ANK3: variants seen among roughly 807,000 people sequenced by gnomAD.
ANK3 encodes ankyrin 3, also known as ankyrin-3.
ANK3 carries 57 observed loss-of-function variants against 370.9 expected under a neutral mutation model. The ratio of observed to expected loss-of-function variants is 0.15; its 90% confidence interval spans 0.12 to 0.19. The LOEUF (loss-of-function observed/expected upper bound fraction) is 0.19, where lower values mean the gene tolerates loss of function less well. Ranked by LOEUF, ANK3 falls within the 10% of genes least tolerant of loss-of-function variation. The probability of loss-of-function intolerance (pLI) is 1.00; values close to 1 mark genes in which losing one functional copy is unlikely to be tolerated. For missense variants in ANK3, 4,439 were observed against 5,302.1 expected, an observed-to-expected ratio of 0.84 and a Z score of 5.06; for synonymous variants, 1,929 against 1,946.3, an observed-to-expected ratio of 0.99 and a Z score of 0.23.
intron 1 of ANK3, among the ~76,000 whole-genome samples, chr10:60,323,036 A>T (rs761665752): frequency 7.2e-5 from 11 of 152,192 alleles, no homozygotes; most frequent in Non-Finnish European, 2.9e-5. Flanking sequence ...CCCCACAAGC[A>T]GACCTTGAGA....
chr10:60,721,583 G>T (rs2079864185), intron 1 of ANK3, among the ~76,000 whole-genome samples: 1 of 152,112 alleles, frequency 6.6e-6, no homozygotes, highest in African/African-American at 2.4e-5. Context: ...ACAAAGATTG[G>T]ATTCAATGGA....
intron 2 of ANK3, among the ~76,000 whole-genome samples, chr10:60,478,935 A>G (rs1408185163): frequency 1.3e-5 from 2 of 152,116 alleles, no homozygotes; most frequent in Admixed American, 1.3e-4. Context: ...TGTTCTTGGC[A>G]TACGAACACG....
At chr10:60,710,097 T>C (rs2079682365) in intron 1 of ANK3, among the ~76,000 whole-genome samples, 1 of 152,130 alleles carries the variant, frequency 6.6e-6, no homozygotes, top group Admixed American at 6.6e-5. Context: ...TCCCACAGTG[T>C]TACTCAAGGT....
At chr10:60,704,151 TTAA>T (rs1022263721) in intron 1 of ANK3, among the ~76,000 whole-genome samples, 56 of 152,320 alleles carry the variant, frequency 3.7e-4, no homozygotes, top group African/African-American at 1.3e-3. Context: ...TCTACAAAAG[TTAA>T]TTCTACATTG....
At chr10:60,659,782 CT>C (rs912657348) in intron 1 of ANK3, among the ~76,000 whole-genome samples, 5 of 151,984 alleles carry the variant, frequency 3.3e-5, no homozygotes, top group Non-Finnish European at 7.4e-5. Flanking sequence ...AACTGGCTGC[CT>C]TCTACACAAA....
At chr10:60,601,827 G>T (rs1335196979) in intron 2 of ANK3, among the ~76,000 whole-genome samples, 2 of 152,120 alleles carry the variant, frequency 1.3e-5, no homozygotes, top group Non-Finnish European at 2.9e-5. Flanking sequence ...ACTCTGTACT[G>T]CTTTTACAAC....
At chr10:60,583,578 G>A (rs565098439) in intron 2 of ANK3, among the ~76,000 whole-genome samples, 12 of 144,022 alleles carry the variant, frequency 8.3e-5, no homozygotes, top group African/African-American at 1.3e-4. Flanking sequence ...GTGCAGTGGC[G>A]CTCCAGTTCT....
chr10:60,677,784 C>CAAAAAAA (rs752482255), intron 1 of ANK3, among the ~76,000 whole-genome samples: 1 of 99,274 alleles, frequency 1.0e-5, no homozygotes, highest in Admixed American at 1.1e-4. Flanking sequence ...CTCAACTACC[C>CAAAAAAA]AAAAAAAAAA....
intron 42 of ANK3, among the ~76,000 whole-genome samples, chr10:60,052,522 A>C (rs1161706963): frequency 6.6e-6 from 1 of 152,240 alleles, no homozygotes; most frequent in African/African-American, 2.4e-5. Flanking sequence ...AGAATATAAA[A>C]TAGAATACCT....
chr10:60,718,190 C>G (rs891493855), intron 1 of ANK3, among the ~76,000 whole-genome samples: 2 of 152,210 alleles, frequency 1.3e-5, no homozygotes, highest in African/African-American at 4.8e-5. Context: ...CAGCTCACTA[C>G]ATGCAAAGAC....
intron 2 of ANK3, among the ~76,000 whole-genome samples, chr10:60,483,010 C>T (rs953090974): frequency 2.0e-5 from 3 of 152,202 alleles, no homozygotes; most frequent in Admixed American, 6.5e-5. Flanking sequence ...ACATCGTTCT[C>T]GTGCTTAATG....
At chr10:60,218,846 A>G (rs2096989983) in intron 8 of ANK3, among the ~76,000 whole-genome samples, 1 of 151,994 alleles carries the variant, frequency 6.6e-6, no homozygotes, top group African/African-American at 2.4e-5. Flanking sequence ...TAGGTCGGGT[A>G]AGTTCTCCTG....
intron 2 of ANK3, among the ~76,000 whole-genome samples, chr10:60,579,454 A>G (rs1354049842): frequency 6.6e-6 from 1 of 152,046 alleles, no homozygotes; most frequent in African/African-American, 2.4e-5. Flanking sequence ...GAGTTTATGG[A>G]ATGAAGATTA....
intron 1 of ANK3, among the ~76,000 whole-genome samples, chr10:60,635,834 A>G (rs1316379757): frequency 6.6e-6 from 1 of 152,194 alleles, no homozygotes; most frequent in Non-Finnish European, 1.5e-5. Context: ...AACAGGTAAA[A>G]GCCTTAAAAT....
At chr10:60,411,597 C>A (rs1211382928) in intron 2 of ANK3, among the ~76,000 whole-genome samples, 3 of 151,992 alleles carry the variant, frequency 2.0e-5, no homozygotes, top group Non-Finnish European at 4.4e-5. Flanking sequence ...CCTCTGTGCC[C>A]CTCTCACCAA....
intron 1 of ANK3, among the ~76,000 whole-genome samples, chr10:60,700,477 GA>G (rs539767492): frequency 8.3e-4 from 126 of 152,220 alleles, no homozygotes; most frequent in African/African-American, 2.8e-3. Context: ...CGTCAATTCT[GA>G]AGTTGATTTG....
chr10:60,157,039 CT>C lies in ANK3; in HGVS notation c.2614+9551del, dbSNP rs201585529. On this transcript the variant is annotated intron_variant, in intron 23 of 43. Coordinates refer to ENST00000280772, the MANE Select transcript of ANK3 (RefSeq NM_020987.5). ...GCTGTCTTGTGGAAGCTCAATGAAT[CT>C]TTTTTTTTTTTTTCGAGATAGAGTT... 6.8e-3 allele frequency among the ~76,000 whole-genome samples: 961 copies of C among 142,308 alleles called. 9 individuals are homozygous for C. The highest frequency in any genetic ancestry group is 0.022 in the African/African-American group (832 of 38,612). The allele number at this position is 142,308 out of a possible 152,430, so 93.4% of individuals were successfully genotyped here.
intron 7 of ANK3, among the ~76,000 whole-genome samples, chr10:60,236,681 C>G (rs745896635): frequency 3.3e-5 from 5 of 152,174 alleles, no homozygotes; most frequent in East Asian, 1.9e-4. Context: ...TGCACATTCT[C>G]TTTGCTCACT....
intron 42 of ANK3, among the ~76,000 whole-genome samples, chr10:60,054,306 A>C (rs2078696271): frequency 6.6e-6 from 1 of 152,236 alleles, no homozygotes; most frequent in Admixed American, 6.5e-5. Context: ...CTAAAAGTCA[A>C]GTCAAAGACA....
Sources: allele counts gnomAD v4.1 joint callset (sites outside exome capture counted in the v4.1 genomes callset), GRCh38; gene constraint gnomAD v4.1.1; transcripts MANE v1.5; gene names NCBI Gene and HGNC (gene_info 2026-07-23, HGNC 2026-07-21).